Variants in HACE1 observed in about 807,000 individuals in gnomAD.
The protein encoded by HACE1 is HECT domain and ankyrin repeat containing E3 ubiquitin protein ligase 1, also known as E3 ubiquitin-protein ligase HACE1.
In HACE1, 73 loss-of-function variants were observed where a neutral mutation model predicts 118.4. That is an observed-to-expected ratio of 0.62 (90% CI 0.51 to 0.75). HACE1 has a LOEUF of 0.75. Ranked by LOEUF, HACE1 falls within the 30% of genes least tolerant of loss-of-function variation. The pLI, the probability that HACE1 is intolerant of heterozygous loss-of-function variation, is 0.00. For missense variants in HACE1, 749 were observed against 1,102.2 expected, an observed-to-expected ratio of 0.68 and a Z score of 4.54; for synonymous variants, 368 against 374.8, an observed-to-expected ratio of 0.98 and a Z score of 0.21.
At chr6:104,769,816 C>T (rs1378111116) in intron 19 of HACE1, among the ~76,000 whole-genome samples, 1 of 152,056 alleles carries the variant, frequency 6.6e-6, no homozygotes, top group Admixed American at 6.6e-5. Context: ...GAACTCAACT[C>T]CTGACTTTAT....
intron 4 of HACE1, among the ~76,000 whole-genome samples, chr6:104,844,600 C>A (rs555442274): frequency 3.8e-4 from 58 of 152,018 alleles, no homozygotes; most frequent in South Asian, 3.1e-3. Context: ...CCCCACCCCC[C>A]CAAGCCTCCC....
At chr6:104,789,426 A>G (rs1782769167) in intron 11 of HACE1, among the ~76,000 whole-genome samples, 1 of 152,094 alleles carries the variant, frequency 6.6e-6, no homozygotes, top group Non-Finnish European at 1.5e-5. Context: ...AGATACCAAC[A>G]AAATTCTTGA....
chr6:104,751,434 G>A (rs899802695), intron 19 of HACE1, among the ~76,000 whole-genome samples: 3 of 152,178 alleles, frequency 2.0e-5, no homozygotes, highest in East Asian at 3.9e-4. Flanking sequence ...TTTAAAATAC[G>A]TGATAATCAT....
At chr6:104,759,105 C>T (rs1028112982) in intron 19 of HACE1, among the ~76,000 whole-genome samples, 1 of 152,100 alleles carries the variant, frequency 6.6e-6, no homozygotes, top group Non-Finnish European at 1.5e-5. Context: ...TAATGGGAGA[C>T]TTTAACACCT....
intron 22 of HACE1, among the ~76,000 whole-genome samples, chr6:104,737,477 T>A (rs1484158897): frequency 6.6e-6 from 1 of 151,948 alleles, no homozygotes; most frequent in Non-Finnish European, 1.5e-5. Flanking sequence ...GTGCGCACCG[T>A]GCGCGAGCCG....
At chr6:104,796,077 T>C (rs1002551415) in intron 9 of HACE1, among the ~76,000 whole-genome samples, 1 of 152,162 alleles carries the variant, frequency 6.6e-6, no homozygotes, top group Non-Finnish European at 1.5e-5. Flanking sequence ...TCTTTTCCTC[T>C]TGCCATGGGA....
chr6:104,846,775 A>T (rs1170788281), intron 4 of HACE1, among the ~76,000 whole-genome samples: 2 of 152,234 alleles, frequency 1.3e-5, no homozygotes, highest in African/African-American at 4.8e-5. Flanking sequence ...ATTTCTGAAA[A>T]CATCAGCCAC....
At chr6:104,802,650 T>C (rs1385345469) in intron 7 of HACE1, among the ~76,000 whole-genome samples, 2 of 152,170 alleles carry the variant, frequency 1.3e-5, no homozygotes, top group South Asian at 2.1e-4. Flanking sequence ...GAAATAAAGA[T>C]GTTCTTTGAA....
chr6:104,796,850 C>T, intron 8 of HACE1, 79 bp downstream of exon 8: 1 of 1,109,208 alleles, frequency 9.0e-7, no homozygotes, highest in Non-Finnish European at 1.4e-6. Flanking sequence ...CCTACCCTTT[C>T]ATTGAAAAAA....
intron 6 of HACE1, among the ~76,000 whole-genome samples, chr6:104,823,295 A>G (rs532807894): frequency 6.6e-6 from 1 of 152,180 alleles, no homozygotes; most frequent in Admixed American, 6.5e-5. Context: ...TTAGTTGGGC[A>G]TGGCAGTGGG....
intron 1 of HACE1, chr6:104,859,360 T>G: frequency 1.9e-6 from 1 of 520,612 alleles, no homozygotes; most frequent in South Asian, 2.4e-5. Flanking sequence ...CAACCCAGTT[T>G]CCTCCCGAAA....
chr6:104,809,104 A>T (rs1771327493), intron 7 of HACE1, among the ~76,000 whole-genome samples: 1 of 152,192 alleles, frequency 6.6e-6, no homozygotes, highest in African/African-American at 2.4e-5. Context: ...TTTATAAGAT[A>T]TTTTTCATAG....
chr6:104,755,231 C>A (rs1778454720), intron 19 of HACE1, among the ~76,000 whole-genome samples: 1 of 152,060 alleles, frequency 6.6e-6, no homozygotes, highest in Admixed American at 6.6e-5. Context: ...ACAAGAAGTG[C>A]TATCATAAAT....
intron 6 of HACE1, among the ~76,000 whole-genome samples, chr6:104,827,500 T>C (rs1016189094): frequency 1.3e-5 from 2 of 152,148 alleles, no homozygotes; most frequent in African/African-American, 4.8e-5. Flanking sequence ...GCAAAAATCA[T>C]TATCATCTGG....
At chr6:104,795,033 C>T (rs981292640) in intron 10 of HACE1, among the ~76,000 whole-genome samples, 2 of 151,968 alleles carry the variant, frequency 1.3e-5, no homozygotes, top group Non-Finnish European at 2.9e-5. Context: ...TAGCCAGCCA[C>T]ATAGAAAGAA....
At chr6:104,732,902 C>G (rs1255020067) in intron 22 of HACE1, among the ~76,000 whole-genome samples, 2 of 152,102 alleles carry the variant, frequency 1.3e-5, no homozygotes, top group African/African-American at 2.4e-5. Flanking sequence ...TTTAATAAAC[C>G]AAGGCAACAT....
intron 19 of HACE1, among the ~76,000 whole-genome samples, chr6:104,770,835 T>C (rs1181225162): frequency 6.6e-6 from 1 of 152,248 alleles, no homozygotes; most frequent in Non-Finnish European, 1.5e-5. Flanking sequence ...TTCTTTTCTC[T>C]ATTAGAATTC....
intron 5 of HACE1, among the ~76,000 whole-genome samples, chr6:104,839,463 G>A (rs1774878580): frequency 6.6e-6 from 1 of 152,144 alleles, no homozygotes; most frequent in Admixed American, 6.5e-5. Flanking sequence ...TAACATTCTT[G>A]AAATGACTAA....
chr6:104,836,351 A>C (rs1774533697), intron 5 of HACE1, among the ~76,000 whole-genome samples: 1 of 152,218 alleles, frequency 6.6e-6, no homozygotes, highest in Non-Finnish European at 1.5e-5. Flanking sequence ...AAAAGTTATA[A>C]GAAAACTTTA....
Sources: allele counts gnomAD v4.1 joint callset (sites outside exome capture counted in the v4.1 genomes callset), GRCh38; gene constraint gnomAD v4.1.1; transcripts MANE v1.5; gene names NCBI Gene and HGNC (gene_info 2026-07-23, HGNC 2026-07-21).